The following SAMD4A variants were observed in gnomAD, a reference collection of about 807,000 sequenced individuals.
SAMD4A encodes the protein sterile alpha motif domain containing 4A, also known as protein Smaug homolog 1.
A neutral mutation model predicts 81.3 loss-of-function variants in SAMD4A; 33 were observed. The ratio of observed to expected loss-of-function variants is 0.41; its 90% CI spans 0.31 to 0.54. The LOEUF (loss-of-function observed/expected upper bound fraction) is 0.54, where lower values mean the gene tolerates loss of function less well. Among genes scored for constraint, SAMD4A ranks in the 20% least tolerant of loss-of-function variants. SAMD4A has a pLI of 0.37. For synonymous variants in SAMD4A, 389 were observed against 382.1 expected (o/e 1.02, Z -0.21); for missense variants, 854 against 951.1 (o/e 0.90, Z 1.34).
intron 2 of SAMD4A, among the ~76,000 whole-genome samples, chr14:54,635,261 A>G (rs1384241010): frequency 6.6e-6 from 1 of 151,446 alleles, no homozygotes; most frequent in East Asian, 1.9e-4. Context: ...CGTCTCTACT[A>G]AAAATACAAA....
At chr14:54,712,876 C>T (rs1298205170) in intron 3 of SAMD4A, among the ~76,000 whole-genome samples, 2 of 152,058 alleles carry the variant, frequency 1.3e-5, no homozygotes, top group Non-Finnish European at 2.9e-5. Context: ...TGTTCTCATT[C>T]CCCACCAGAC....
At chr14:54,720,996 A>G (rs774451846) in intron 3 of SAMD4A, among the ~76,000 whole-genome samples, 6 of 152,204 alleles carry the variant, frequency 3.9e-5, no homozygotes, top group Non-Finnish European at 7.3e-5. Context: ...GTCTGCTGAT[A>G]ACCTTTTCAT....
chr14:54,636,365 G>T (rs1166026330), intron 2 of SAMD4A, among the ~76,000 whole-genome samples: 2 of 152,176 alleles, frequency 1.3e-5, no homozygotes, highest in Non-Finnish European at 2.9e-5. Context: ...TGGGGGAGTC[G>T]TGCACTGGGA....
chr14:54,784,463 C>CTCCTGAAGGTGGAACCAGGT (rs763019383), intron 11 of SAMD4A, 74 bp from the exon 12 acceptor site: 1 of 1,612,926 alleles, frequency 6.2e-7, no homozygotes, highest in Non-Finnish European at 8.5e-7. Context: ...CCAGACCTTT[C>CTCCTGAAGGTGGAACCAGGT]TCCTGAAGGT....
intron 2 of SAMD4A, among the ~76,000 whole-genome samples, chr14:54,664,444 G>A (rs2035711981): frequency 6.6e-6 from 1 of 152,178 alleles, no homozygotes; most frequent in South Asian, 2.1e-4. Flanking sequence ...GGTTACCAGA[G>A]AACTGAGCCA....
chr14:54,746,271 G>A (rs1488014074), intron 4 of SAMD4A, among the ~76,000 whole-genome samples: 1 of 152,116 alleles, frequency 6.6e-6, no homozygotes, highest in Non-Finnish European at 1.5e-5. Flanking sequence ...AGTGCTCTTT[G>A]AGCACATGGC....
At chr14:54,586,694 A>G (rs534944445) in intron 2 of SAMD4A, among the ~76,000 whole-genome samples, 1 of 152,078 alleles carries the variant, frequency 6.6e-6, no homozygotes, top group East Asian at 1.9e-4. Context: ...TCCTTTTCCC[A>G]CTTTTTGTTT....
rs1241561394 is a variant in SAMD4A at position 54,791,547 on chromosome 14, A to G, written c.*2603A>G. The G allele has an allele frequency of 6.6e-6, 1 of 152,208 alleles. No individual in the cohort carries two copies. The highest frequency in any genetic ancestry group is 1.9e-4 in the East Asian group (1 of 5,204). 9.4% of individuals were successfully genotyped at this position (152,208 alleles called of 1,614,324 possible). A position where few individuals can be genotyped will look rare whatever the true frequency, so the allele number is the denominator to read the frequency against. ...ACTTGCTATGGCTGGTAACCATGAT[A>G]AAGTCTGTTATTAATAACAACATAA... On this transcript the variant is annotated 3_prime_UTR_variant, in exon 13 of 13. Transcript: ENST00000554335.
chr14:54,741,481 C>T (rs567732955), intron 4 of SAMD4A, among the ~76,000 whole-genome samples: 2 of 152,314 alleles, frequency 1.3e-5, no homozygotes, highest in African/African-American at 4.8e-5. Context: ...TACTTTTGTC[C>T]TCATTCAAGT....
At chr14:54,638,740 A>G (rs2035096710) in intron 2 of SAMD4A, among the ~76,000 whole-genome samples, 1 of 152,206 alleles carries the variant, frequency 6.6e-6, no homozygotes. Context: ...CTGAGTTATA[A>G]TGTAATACCC....
At chr14:54,595,695 G>T (rs183005010) in intron 2 of SAMD4A, among the ~76,000 whole-genome samples, 68 of 152,114 alleles carry the variant, frequency 4.5e-4, no homozygotes, top group Middle Eastern at 3.4e-3. Context: ...GAGAGGAAAA[G>T]CTTCAATATA....
At position 54,568,122 on chromosome 14, in the gene SAMD4A, C is replaced by T. The variant is rs2032995439; in HGVS notation, c.196+10C>T. 2.0e-6 allele frequency: 3 copies of T among 1,470,162 alleles called. No homozygotes were observed. The highest frequency in any genetic ancestry group is 2.4e-5 in the Admixed American group (1 of 40,900). The allele number at this position is 1,470,162 out of a possible 1,614,324, so 91.1% of individuals were successfully genotyped here. A position where few individuals can be genotyped will look rare whatever the true frequency, so the allele number is the denominator to read the frequency against. On this transcript the variant is annotated intron_variant, in intron 2 of 12. Coordinates refer to ENST00000554335, the MANE Select transcript of SAMD4A (RefSeq NM_015589.6). The stretch of plus-strand genomic sequence containing the variant: ...GAGGCCAACAGCCCCGGTAAGTGTG[C>T]GGCGGCCGCCGCCGCCGTCCCGCCT...
chr14:54,651,240 C>A (rs918803273), intron 2 of SAMD4A, among the ~76,000 whole-genome samples: 1 of 152,170 alleles, frequency 6.6e-6, no homozygotes, highest in South Asian at 2.1e-4. Flanking sequence ...GGCTTTGGTG[C>A]TCCTTAAGTC....
rs1274022311 is a variant in SAMD4A at position 54,784,346 on chromosome 14, A to G, written c.2045-191A>G. ...AGTCTCCGTTTTGTTCCAGGTTCCC[A>G]AGTTCACAGTGGACTGTGTTTAACA... On this transcript the variant is annotated intron_variant, in intron 11 of 12. Coordinates refer to ENST00000554335, the MANE Select transcript of SAMD4A (RefSeq NM_015589.6). 2.6e-6 allele frequency: 4 copies of G among 1,554,428 alleles called. No homozygotes were observed. In the African/African-American group the frequency reaches 4.1e-5, roughly 16 times the overall value.
chr14:54,680,475 T>C (rs575898209), intron 2 of SAMD4A, among the ~76,000 whole-genome samples: 2 of 152,334 alleles, frequency 1.3e-5, no homozygotes, highest in Admixed American at 6.5e-5. Flanking sequence ...GGGGCTATTC[T>C]TTTCCTGTGT....
chr14:54,702,769 A>T, intron 3 of SAMD4A, 189 bp downstream of exon 3: 1 of 667,568 alleles, frequency 1.5e-6, no homozygotes, highest in Non-Finnish European at 2.5e-6. Flanking sequence ...AGATGAAAAT[A>T]CTTGGGAAGG....
intron 2 of SAMD4A, among the ~76,000 whole-genome samples, chr14:54,598,855 C>G (rs2033981094): frequency 6.6e-6 from 1 of 151,954 alleles, no homozygotes; most frequent in African/African-American, 2.4e-5. Flanking sequence ...GGGTCTCACT[C>G]TGTCGCCCAG....
chr14:54,668,631 A>C (rs879299328), intron 2 of SAMD4A, among the ~76,000 whole-genome samples: 1 of 152,212 alleles, frequency 6.6e-6, no homozygotes, highest in Non-Finnish European at 1.5e-5. Context: ...ATATTCAATA[A>C]ACATTTGTAG....
At chr14:54,747,418 G>A (rs1448681340) in intron 4 of SAMD4A, among the ~76,000 whole-genome samples, 1 of 152,194 alleles carries the variant, frequency 6.6e-6, no homozygotes, top group Non-Finnish European at 1.5e-5. Context: ...GTTCACTCAG[G>A]AAGCAGGGCC....
Sources: allele counts gnomAD v4.1 joint callset (sites outside exome capture counted in the v4.1 genomes callset), GRCh38; gene constraint gnomAD v4.1.1; transcripts MANE v1.5; gene names NCBI Gene and HGNC (gene_info 2026-07-23, HGNC 2026-07-21).